AFF4: variants seen among roughly 807,000 people sequenced by gnomAD.
AFF4 encodes the protein AF4/FMR2 family member 4.
Under a neutral mutation model 124.8 loss-of-function variants are expected in AFF4, and 13 were observed. That is an observed-to-expected ratio of 0.10 (90% CI 0.07 to 0.17). AFF4 has a LOEUF of 0.17. AFF4 is among the 10% of genes least tolerant of loss of function. The pLI is 1.00. For missense variants in AFF4, 1,092 were observed against 1,403.8 expected (o/e 0.78, Z 3.55); for synonymous variants, 477 against 496.1 (o/e 0.96, Z 0.51).
chr5:132,906,686 C>T (rs1471760385), intron 5 of AFF4, among the ~76,000 whole-genome samples: 1 of 152,154 alleles, frequency 6.6e-6, no homozygotes, highest in Non-Finnish European at 1.5e-5. Flanking sequence ...CTCAAAACTA[C>T]TGAACTCTAC....
Position 132,879,784 on chromosome 5 carries a change from CA to C in AFF4, c.*1274del. 1 of 226,168 alleles carries C rather than the reference CA, an allele frequency of 4.4e-6. No homozygotes were observed. The highest frequency in any genetic ancestry group is 8.8e-6 in the Non-Finnish European group (1 of 113,758). The allele number at this position is 226,168 out of a possible 1,614,324, so 14.0% of individuals were successfully genotyped here. A position where few individuals can be genotyped will look rare whatever the true frequency, so the allele number is the denominator to read the frequency against. ...CTTCTTTAAGCTCTACCCCTGGCTC[CA>C]CTCCCTGTCCCAAGAGCTCACACTG... On this transcript the variant is annotated 3_prime_UTR_variant, in exon 21 of 21. Transcript: ENST00000265343.
chr5:132,881,548 A>G lies in AFF4; in HGVS notation c.3365-362T>C, dbSNP rs534753890. Among the ~76,000 whole-genome samples the G allele has an allele frequency of 3.9e-5, 6 of 152,352 alleles. No individual in the cohort carries two copies. The East Asian group carries it at 9.6e-4, about 25-fold the overall frequency. On this transcript the variant is annotated intron_variant, in intron 20 of 20. Transcript: ENST00000265343. ...ACATTTTGTGCATTGCTTTTGTATA[A>G]GAAGCAAGTGACACAAAAAGGAGGA...
chr5:132,927,495 G>A (rs1026691307), intron 4 of AFF4: 22 of 302,392 alleles, frequency 7.3e-5, no homozygotes, highest in South Asian at 1.2e-4. Flanking sequence ...ATAATAAAAC[G>A]CTAATCAGGA....
chr5:132,879,247 T>C lies in AFF4; in HGVS notation c.*1812A>G. On this transcript the variant is annotated 3_prime_UTR_variant, in exon 21 of 21. Transcript: ENST00000265343. ...AAAGTTCACTAACTTCAGAAATAAG[T>C]GTAAAAAAGTCTCAAACACAAAGGA... 4.6e-6 allele frequency: 1 copy of C among 219,404 alleles called. No individual in the cohort carries two copies. Among genetic ancestry groups the C allele is most frequent in the East Asian group, 6.7e-5 (1 of 14,828 alleles). 13.6% of individuals were successfully genotyped at this position (219,404 alleles called of 1,614,324 possible).
chr5:132,927,167 T>C lies in AFF4; in HGVS notation c.1004A>G (p.His335Arg). The change falls in exon 5 of 21, where the codon CAT becomes CGT. Residue 335 changes from histidine (H) to arginine (R), a missense_variant. This residue lies in a region of AFF4 where 148 missense variants were observed against 196.3 expected (regional missense o/e 0.75). Coordinates refer to ENST00000265343, the MANE Select transcript of AFF4 (RefSeq NM_014423.4). ...GGAAGGTTCTGTTTTGCATGGTGTATGAATAGCCGTTAGAGGGGGAGGCCA... is the reference window on the plus strand; with the variant it reads ...GGAAGGTTCTGTTTTGCATGGTGTACGAATAGCCGTTAGAGGGGGAGGCCA... ...HSWPPPLTAI[H>R]TPCKTEPSKF... 1 of 1,612,194 alleles carries C rather than the reference T, an allele frequency of 6.2e-7. No individual in the cohort carries two copies. Among genetic ancestry groups the C allele is most frequent in the Non-Finnish European group, 8.5e-7 (1 of 1,179,444 alleles).
chr5:132,916,981 G>A (rs970134768), intron 5 of AFF4, among the ~76,000 whole-genome samples: 1 of 151,780 alleles, frequency 6.6e-6, no homozygotes, highest in Non-Finnish European at 1.5e-5. Context: ...AGTGCAATGG[G>A]GTGATCTTGG....
chr5:132,961,768 T>G (rs565167646), intron 1 of AFF4, among the ~76,000 whole-genome samples: 1 of 152,276 alleles, frequency 6.6e-6, no homozygotes, highest in South Asian at 2.1e-4. Context: ...AAATTTTATT[T>G]AAAGTAAAAT....
chr5:132,902,059 T>A (rs184332618), intron 7 of AFF4, among the ~76,000 whole-genome samples: 32 of 152,304 alleles, frequency 2.1e-4, no homozygotes, highest in African/African-American at 7.7e-4. Context: ...TATTTTTTAA[T>A]TTTTCTGAGA....
In AFF4 at chr5:132,887,960, A is replaced by G; in HGVS notation, c.2819T>C (p.Val940Ala). 1 of 1,613,786 alleles carries G rather than the reference A, an allele frequency of 6.2e-7. No homozygotes were observed. The highest frequency in any genetic ancestry group is 8.5e-7 in the Non-Finnish European group (1 of 1,179,930). ...AGATACCACAGCATCAAGATAGTAT[A>G]CAGCTTTCTCAAACCTATCAGACTG... ...DALSDRFEKAVYYLDAVVSFI... is the reference protein window; with the variant it reads ...DALSDRFEKAAYYLDAVVSFI... The change falls in exon 16 of 21, where the codon GTA becomes GCA. Residue 940 changes from valine (V) to alanine (A), a missense_variant. Val to Ala is a moderately conservative substitution (Grantham distance 64). Coordinates refer to ENST00000265343, the MANE Select transcript of AFF4 (RefSeq NM_014423.4).
At chr5:132,908,000 G>A (rs1393409849) in intron 5 of AFF4, among the ~76,000 whole-genome samples, 3 of 152,106 alleles carry the variant, frequency 2.0e-5, no homozygotes, top group Non-Finnish European at 2.9e-5. Flanking sequence ...GGATCATCTC[G>A]CCTACTAAGT....
chr5:132,909,497 A>C (rs1283476596), intron 5 of AFF4, among the ~76,000 whole-genome samples: 1 of 152,148 alleles, frequency 6.6e-6, no homozygotes, highest in Non-Finnish European at 1.5e-5. Flanking sequence ...TTAAAAATAC[A>C]TTATGAAAAG....
intron 1 of AFF4, among the ~76,000 whole-genome samples, chr5:132,960,023 G>A (rs566002649): frequency 1.3e-5 from 2 of 152,186 alleles, no homozygotes; most frequent in South Asian, 2.1e-4. Flanking sequence ...CCAAAGTGCT[G>A]GGATTACAGG....
intron 1 of AFF4, among the ~76,000 whole-genome samples, chr5:132,940,015 C>A (rs879383050): frequency 5.3e-5 from 8 of 152,156 alleles, no homozygotes; most frequent in Admixed American, 2.0e-4. Flanking sequence ...CTGGCCAATG[C>A]AGTGAAACCC....
At chr5:132,898,766 G>A (rs1413634652) in intron 9 of AFF4, among the ~76,000 whole-genome samples, 1 of 152,042 alleles carries the variant, frequency 6.6e-6, no homozygotes, top group African/African-American at 2.4e-5. Flanking sequence ...TTACAGGCGT[G>A]AGCCACCGCG....
chr5:132,915,120 C>T (rs113440567), intron 5 of AFF4, among the ~76,000 whole-genome samples: 17,483 of 152,072 alleles, frequency 0.11, 1,261 homozygotes, highest in South Asian at 0.2. Context: ...AGGCGGATCA[C>T]GAGGTCAGGA....
In AFF4 at chr5:132,921,259, A is replaced by G. The variant is rs550983865; in HGVS notation, c.1050+5862T>C. Among the ~76,000 whole-genome samples, 8 of 152,286 alleles carry G rather than the reference A, an allele frequency of 5.3e-5. 1 individual carries two copies. The highest frequency in any genetic ancestry group is 3.9e-4 in the East Asian group (2 of 5,184). On this transcript the variant is annotated intron_variant, in intron 5 of 20. Transcript: ENST00000265343. The stretch of plus-strand genomic sequence containing the variant: ...AAATGGCAAATCAGTACATGAAAAG[A>G]TGCTCAAGATACTCTGTCTCTAGAG...
intron 12 of AFF4, 104 bp from the exon 13 acceptor site, chr5:132,892,508 C>T (rs1760289203): frequency 6.9e-7 from 1 of 1,441,550 alleles, no homozygotes; most frequent in Non-Finnish European, 9.3e-7. Context: ...TGTTTTTCCC[C>T]ATTTGATTAC....
intron 13 of AFF4, among the ~76,000 whole-genome samples, chr5:132,890,368 C>G (rs1760225083): frequency 6.6e-6 from 1 of 151,900 alleles, no homozygotes; most frequent in South Asian, 2.1e-4. Flanking sequence ...CTCCTGGGCT[C>G]AAGCGATCCT....
chr5:132,957,334 T>C (rs1761986991), intron 1 of AFF4, among the ~76,000 whole-genome samples: 1 of 151,912 alleles, frequency 6.6e-6, no homozygotes, highest in South Asian at 2.1e-4. Context: ...AGTGCAGTCC[T>C]GTCCAAAAAA....
Sources: gnomAD v4.1 joint callset for allele counts (sites outside exome capture counted in the v4.1 genomes callset) on GRCh38, gnomAD v4.1.1 for gene constraint, gnomAD v4.1.1 regional missense constraint, MANE v1.5 for transcripts, NCBI Gene and HGNC (gene_info 2026-07-23, HGNC 2026-07-21) for gene names.